USH2A: variants seen among roughly 807,000 people sequenced by gnomAD.
The protein encoded by USH2A is usherin.
USH2A carries 443 observed loss-of-function variants against 538.9 expected under a neutral mutation model. The ratio of observed to expected loss-of-function variants is 0.82; its 90% confidence interval spans 0.76 to 0.89. The LOEUF (loss-of-function observed/expected upper bound fraction) is 0.89. Among genes scored for constraint, USH2A ranks in the 40% least tolerant of loss-of-function variants. The pLI, the probability that USH2A is intolerant of heterozygous loss-of-function variation, is 0.00. For missense variants in USH2A, 6,633 were observed against 6,324.8 expected, an observed-to-expected ratio of 1.05 and a Z score of -1.65; for synonymous variants, 2,413 against 2,273.5, an observed-to-expected ratio of 1.06 and a Z score of -1.75.
At chr1:216,364,302 G>T (rs1012411255) in intron 4 of USH2A, among the ~76,000 whole-genome samples, 2 of 151,926 alleles carry the variant, frequency 1.3e-5, no homozygotes, top group Non-Finnish European at 1.5e-5. Flanking sequence ...ACATGAAAAT[G>T]CAAACCCCTC....
chr1:215,699,355 G>C (rs747503674), intron 61 of USH2A, among the ~76,000 whole-genome samples: 1 of 152,166 alleles, frequency 6.6e-6, no homozygotes, highest in Non-Finnish European at 1.5e-5. Flanking sequence ...ATTTCATGAA[G>C]AAAGTCAATG....
intron 9 of USH2A, among the ~76,000 whole-genome samples, chr1:216,304,890 T>C (rs1259887954): frequency 6.6e-6 from 1 of 152,102 alleles, no homozygotes; most frequent in African/African-American, 2.4e-5. Context: ...GTACTTGATA[T>C]AATTTCAGTT....
At chr1:215,919,440 A>G (rs749618480) in intron 38 of USH2A, among the ~76,000 whole-genome samples, 9 of 152,086 alleles carry the variant, frequency 5.9e-5, no homozygotes, top group Non-Finnish European at 1.0e-4. Context: ...CTCTGATTGT[A>G]TAACTTGCCG....
At chr1:215,691,747 C>T (rs2102681818) in intron 61 of USH2A, among the ~76,000 whole-genome samples, 1 of 152,282 alleles carries the variant, frequency 6.6e-6, no homozygotes, top group South Asian at 2.1e-4. Context: ...CCCCAAATGC[C>T]TCTAATTGTG....
chr1:215,937,852 G>A (rs1411986783), intron 37 of USH2A, among the ~76,000 whole-genome samples: 2 of 152,080 alleles, frequency 1.3e-5, no homozygotes, highest in Admixed American at 6.6e-5. Flanking sequence ...ATATGTATGA[G>A]TATAATATTG....
At position 215,658,194 on chromosome 1, in the gene USH2A, C is replaced by T. The variant is rs113848955; in HGVS notation, c.14134-7393G>A. Among the ~76,000 whole-genome samples, 532 of 152,046 alleles carry T rather than the reference C, an allele frequency of 3.5e-3. 3 individuals are homozygous for T. Among genetic ancestry groups the T allele is most frequent in the African/African-American group, 0.013 (519 of 41,468 alleles). On this transcript the variant is annotated intron_variant, in intron 64 of 71. Coordinates refer to ENST00000307340, the MANE Select transcript of USH2A (RefSeq NM_206933.4). Reference sequence around the variant, plus strand: ...TCGTGATCCGCCCGCCTTGGCCTCCCAACCCTGATTCACTTTTAACAATAA... The same window carrying T: ...TCGTGATCCGCCCGCCTTGGCCTCCTAACCCTGATTCACTTTTAACAATAA...
intron 35 of USH2A, among the ~76,000 whole-genome samples, chr1:215,974,400 G>T (rs1484502287): frequency 6.6e-6 from 1 of 151,978 alleles, no homozygotes; most frequent in Non-Finnish European, 1.5e-5. Context: ...TCTGACATGG[G>T]TATATTGTGT....
At chr1:216,036,043 T>A (rs377671309) in intron 32 of USH2A, among the ~76,000 whole-genome samples, 4 of 152,214 alleles carry the variant, frequency 2.6e-5, no homozygotes, top group African/African-American at 9.6e-5. Context: ...ATGTGGGAAT[T>A]GAGGTAGATC....
intron 13 of USH2A, among the ~76,000 whole-genome samples, chr1:216,234,905 G>T (rs1236791975): frequency 6.6e-6 from 1 of 152,026 alleles, no homozygotes; most frequent in Non-Finnish European, 1.5e-5. Flanking sequence ...AGCACCTAGG[G>T]AGACTGAAAG....
At chr1:216,189,723 A>G (rs2034676322) in intron 20 of USH2A, among the ~76,000 whole-genome samples, 1 of 151,894 alleles carries the variant, frequency 6.6e-6, no homozygotes, top group South Asian at 2.1e-4. Flanking sequence ...CCACACAGTA[A>G]TTTCTAGATG....
chr1:215,747,022 A>G (rs1294063421), intron 58 of USH2A, among the ~76,000 whole-genome samples: 2 of 152,226 alleles, frequency 1.3e-5, no homozygotes, highest in African/African-American at 4.8e-5. Context: ...AATTTTTGCT[A>G]GCCAATTGTA....
chr1:216,231,186 T>C (rs938290985), intron 14 of USH2A, among the ~76,000 whole-genome samples: 1 of 135,146 alleles, frequency 7.4e-6, no homozygotes, highest in Non-Finnish European at 1.5e-5. Context: ...CTAATAAATA[T>C]GCAATAAATT....
At chr1:216,121,444 T>C (rs939786495) in intron 21 of USH2A, among the ~76,000 whole-genome samples, 1 of 152,196 alleles carries the variant, frequency 6.6e-6, no homozygotes, top group Non-Finnish European at 1.5e-5. Context: ...ATACCTGTTT[T>C]TATTTTATTT....
At chr1:215,752,691 C>A (rs1427890655) in intron 58 of USH2A, among the ~76,000 whole-genome samples, 1 of 152,140 alleles carries the variant, frequency 6.6e-6, no homozygotes, top group Non-Finnish European at 1.5e-5. Flanking sequence ...ACAAATAATT[C>A]TTCTGGTTTT....
In USH2A at chr1:215,799,123, C is replaced by T; in HGVS notation, c.9742G>A (p.Glu3248Lys). ...SGYYARILPG[E>K]VCCPDEQHNR... ...TGCTGTTCATCTGGACAGCATACTT[C>T]ACCTGTCAATTTAGGACAATAATAA... is the stretch of plus-strand genomic sequence containing the variant. The change falls in exon 50 of 72, where the codon GAA becomes AAA. Residue 3248 changes from glutamate (E) to lysine (K), a missense_variant and splice_region_variant. Transcript: ENST00000307340. The T allele has an allele frequency of 6.2e-7, 1 of 1,613,410 alleles. No homozygotes were observed. The highest frequency in any genetic ancestry group is 8.5e-7 in the Non-Finnish European group (1 of 1,179,700).
At chr1:215,726,747 T>C (rs904392426) in intron 61 of USH2A, among the ~76,000 whole-genome samples, 1 of 152,206 alleles carries the variant, frequency 6.6e-6, no homozygotes, top group African/African-American at 2.4e-5. Flanking sequence ...AATTTAATCT[T>C]ATCCATGAAG....
intron 4 of USH2A, among the ~76,000 whole-genome samples, chr1:216,352,880 G>A (rs2038312899): frequency 6.6e-6 from 1 of 152,038 alleles, no homozygotes; most frequent in African/African-American, 2.4e-5. Flanking sequence ...TGAGGATCAG[G>A]ATAATGAGAA....
intron 11 of USH2A, among the ~76,000 whole-genome samples, chr1:216,273,866 C>T (rs1180330530): frequency 6.7e-6 from 1 of 149,688 alleles, no homozygotes; most frequent in African/African-American, 2.4e-5. Flanking sequence ...AAATATTTGA[C>T]TCAATAAACC....
intron 67 of USH2A, among the ~76,000 whole-genome samples, chr1:215,645,706 A>G (rs1656820741): frequency 6.6e-6 from 1 of 152,320 alleles, no homozygotes; most frequent in Middle Eastern, 3.4e-3. Flanking sequence ...AATTGGCATC[A>G]TATTCAATGC....
Sources: allele counts gnomAD v4.1 joint callset (sites outside exome capture counted in the v4.1 genomes callset), GRCh38; gene constraint gnomAD v4.1.1; transcripts MANE v1.5; gene names NCBI Gene and HGNC (gene_info 2026-07-23, HGNC 2026-07-21).